Variants in EPB41L5 observed in about 807,000 individuals in gnomAD.
The protein encoded by EPB41L5 is erythrocyte membrane protein band 4.1 like 5, also known as band 4.1-like protein 5.
In EPB41L5, 55 loss-of-function variants were observed where a neutral mutation model predicts 106.6. The observed-to-expected ratio is 0.52, with a 90% confidence interval of 0.42 to 0.65. EPB41L5 has a LOEUF of 0.65. Among genes scored for constraint, EPB41L5 ranks in the 30% least tolerant of loss-of-function variants. The pLI is 0.00. For synonymous variants in EPB41L5, 297 were observed against 306.7 expected (o/e 0.97, Z 0.33); for missense variants, 871 against 882.1 (o/e 0.99, Z 0.16).
At chr2:120,165,010 T>A (rs1687327885) in intron 22 of EPB41L5, 100 bp downstream of exon 22, 1 of 850,616 alleles carries the variant, frequency 1.2e-6, no homozygotes, top group Non-Finnish European at 1.8e-6. Context: ...TCAGTTAAAC[T>A]TTTCATTTGA....
chr2:120,147,231 C>G (rs975132463), intron 20 of EPB41L5, among the ~76,000 whole-genome samples: 1 of 152,096 alleles, frequency 6.6e-6, no homozygotes, highest in Non-Finnish European at 1.5e-5. Context: ...ACGCTGTAGG[C>G]CTAGCTCCTC....
chr2:120,157,948 CTA>C (rs1331809824), intron 20 of EPB41L5, among the ~76,000 whole-genome samples: 1 of 152,036 alleles, frequency 6.6e-6, no homozygotes, highest in African/African-American at 2.4e-5. Flanking sequence ...ATACACATAA[CTA>C]TCAGAGAATA....
At chr2:120,145,171 A>ATT (rs2105499267) in intron 19 of EPB41L5, among the ~76,000 whole-genome samples, 1 of 152,326 alleles carries the variant, frequency 6.6e-6, no homozygotes, top group East Asian at 1.9e-4. Flanking sequence ...ACTTTAAAAG[A>ATT]GTTTGGCAAT....
At chr2:120,102,326 T>A (rs1210784016) in intron 16 of EPB41L5, among the ~76,000 whole-genome samples, 1 of 152,172 alleles carries the variant, frequency 6.6e-6, no homozygotes, top group Non-Finnish European at 1.5e-5. Flanking sequence ...ATGAAAAATT[T>A]GGAGCTGTGT....
At chr2:120,137,091 A>G (rs1685955532) in intron 18 of EPB41L5, among the ~76,000 whole-genome samples, 1 of 152,112 alleles carries the variant, frequency 6.6e-6, no homozygotes, top group South Asian at 2.1e-4. Flanking sequence ...ATACAACCAC[A>G]TGGAAATCAA....
intron 3 of EPB41L5, among the ~76,000 whole-genome samples, chr2:120,072,532 A>C (rs1558847251): frequency 1.3e-5 from 2 of 152,290 alleles, no homozygotes; most frequent in South Asian, 2.1e-4. Flanking sequence ...AACCAACCCA[A>C]ATGCCCATCA....
rs914137298 is a variant in EPB41L5, at chr2:120,084,764, A to G, written c.804-2407A>G. Among the ~76,000 whole-genome samples, 18 of 152,278 alleles carry G rather than the reference A, an allele frequency of 1.2e-4. No individual in the cohort carries two copies. The East Asian group carries it at 1.7e-3, about 15-fold the overall frequency. ...CTCCCCTTGACTTTCAGGTACACCA[A>G]TCAGACGTAGATTTGGTCTCTTTAC... On this transcript the variant is annotated intron_variant, in intron 10 of 24. Coordinates refer to ENST00000263713, the MANE Select transcript of EPB41L5 (RefSeq NM_020909.4).
At position 120,127,776 on chromosome 2, in the gene EPB41L5, A is replaced by G. The variant is rs1387373234; in HGVS notation, c.1426A>G (p.Thr476Ala). ...AATTGGGGCATCTGACACTATGGAAACATCCCAAGCACTGAATGACGTTAA... is the reference window on the plus strand; with the variant it reads ...AATTGGGGCATCTGACACTATGGAAGCATCCCAAGCACTGAATGACGTTAA... ...DVIGASDTME[T>A]SQALNDVNVA... Residue 476 changes from threonine (T) to alanine (A), a missense_variant, in exon 17 of 25, where the codon ACA becomes GCA. Thr to Ala is a moderately conservative substitution (Grantham distance 58). Coordinates refer to ENST00000263713, the MANE Select transcript of EPB41L5 (RefSeq NM_020909.4). 6.2e-7 allele frequency: 1 copy of G among 1,613,864 alleles called. No individual in the cohort carries two copies. Among genetic ancestry groups the G allele is most frequent in the South Asian group, 1.1e-5 (1 of 91,042 alleles).
intron 3 of EPB41L5, among the ~76,000 whole-genome samples, chr2:120,063,770 G>T (rs1459986355): frequency 6.6e-6 from 1 of 152,052 alleles, no homozygotes; most frequent in African/African-American, 2.4e-5. Flanking sequence ...GCGAAACCCT[G>T]TCTCTATTAA....
At position 120,087,178 on chromosome 2, in the gene EPB41L5, A is replaced by G; in HGVS notation, c.811A>G (p.Ile271Val). ...TKIGLFFWPKITRLDFKKNKL... is the reference protein window; with the variant it reads ...TKIGLFFWPKVTRLDFKKNKL... Reference sequence around the variant, plus strand: ...TCTCTTATTATATTATAGGCCGAAGATAACCAGATTGGATTTTAAGAAGAA... The same window carrying G: ...TCTCTTATTATATTATAGGCCGAAGGTAACCAGATTGGATTTTAAGAAGAA... The change falls in exon 11 of 25, where the codon ATA (isoleucine) becomes GTA (valine). Residue 271 changes from isoleucine to valine, a missense_variant. Physicochemically the swap from Ile to Val is conservative, Grantham distance 29 (BLOSUM62 3). Coordinates refer to ENST00000263713, the MANE Select transcript of EPB41L5 (RefSeq NM_020909.4). The G allele has an allele frequency of 4.4e-6, 7 of 1,579,760 alleles. No homozygotes were observed. Among genetic ancestry groups the G allele is most frequent in the Non-Finnish European group, 4.3e-6 (5 of 1,150,764 alleles).
intron 16 of EPB41L5, among the ~76,000 whole-genome samples, chr2:120,123,959 G>C (rs1385953006): frequency 6.6e-6 from 1 of 152,058 alleles, no homozygotes; most frequent in African/African-American, 2.4e-5. Flanking sequence ...CACCTGGCCT[G>C]TTTGTTCTTT....
chr2:120,127,660 C>A, intron 16 of EPB41L5, 28 bp from the exon 17 acceptor site: 1 of 1,539,714 alleles, frequency 6.5e-7, no homozygotes, highest in South Asian at 1.3e-5. Flanking sequence ...ATTTCTTGGT[C>A]TAAGTAAATT....
intron 3 of EPB41L5, among the ~76,000 whole-genome samples, chr2:120,067,295 C>T (rs768703830): frequency 6.6e-6 from 1 of 152,216 alleles, no homozygotes; most frequent in African/African-American, 2.4e-5. Flanking sequence ...AGAGAAGCAG[C>T]TAGGCAAATA....
At chr2:120,087,273 AACAGTG>A (rs774388785) in intron 11 of EPB41L5, 33 bp downstream of exon 11, 1 of 1,252,758 alleles carries the variant, frequency 8.0e-7, no homozygotes, top group Non-Finnish European at 1.2e-6. Context: ...TTACTTGTGT[AACAGTG>A]ACTGTATTAT....
At chr2:120,086,600 A>G (rs776206612) in intron 10 of EPB41L5, among the ~76,000 whole-genome samples, 3 of 152,014 alleles carry the variant, frequency 2.0e-5, no homozygotes, top group Non-Finnish European at 4.4e-5. Flanking sequence ...CGTCTCTACA[A>G]AGAATACAAA....
intron 3 of EPB41L5, among the ~76,000 whole-genome samples, chr2:120,052,497 T>C (rs1277512684): frequency 1.3e-5 from 2 of 152,246 alleles, no homozygotes; most frequent in Non-Finnish European, 2.9e-5. Flanking sequence ...TGGGCAGTTA[T>C]GTTGAGACTT....
chr2:120,052,687 C>A (rs529016316), intron 3 of EPB41L5, among the ~76,000 whole-genome samples: 2 of 152,312 alleles, frequency 1.3e-5, no homozygotes, highest in South Asian at 4.1e-4. Context: ...TTGAGCTCTG[C>A]CTTACTTTCT....
At chr2:120,049,043 C>G (rs1416753698) in intron 3 of EPB41L5, among the ~76,000 whole-genome samples, 1 of 152,174 alleles carries the variant, frequency 6.6e-6, no homozygotes, top group Non-Finnish European at 1.5e-5. Flanking sequence ...GTTATAATTT[C>G]TATTCCTTTA....
chr2:120,021,069 C>T (rs1281930574), intron 2 of EPB41L5, among the ~76,000 whole-genome samples: 1 of 152,226 alleles, frequency 6.6e-6, no homozygotes, highest in East Asian at 1.9e-4. Context: ...CAGCCAGGTG[C>T]AGTGGCTTAT....
Sources: allele counts gnomAD v4.1 joint callset (sites outside exome capture counted in the v4.1 genomes callset), GRCh38; gene constraint gnomAD v4.1.1; transcripts MANE v1.5; gene names NCBI Gene and HGNC (gene_info 2026-07-23, HGNC 2026-07-21).